SLC13A3: variants seen among roughly 807,000 people sequenced by gnomAD.
SLC13A3 encodes Na(+)/dicarboxylate cotransporter 3.
A neutral mutation model predicts 59.0 loss-of-function variants in SLC13A3; 40 were observed. The ratio of observed to expected loss-of-function variants is 0.68; its 90% CI spans 0.53 to 0.88. The LOEUF (loss-of-function observed/expected upper bound fraction) is 0.88, where lower values mean the gene tolerates loss of function less well. SLC13A3 is among the 40% of genes least tolerant of loss of function. The pLI is 0.00. For missense variants in SLC13A3, 699 were observed against 783.2 expected (o/e 0.89, Z 1.28); for synonymous variants, 317 against 330.3 (o/e 0.96, Z 0.44).
At chr20:46,569,032 G>A (rs186968673) in intron 10 of SLC13A3, among the ~76,000 whole-genome samples, 64 of 152,310 alleles carry the variant, frequency 4.2e-4, no homozygotes, top group African/African-American at 1.4e-3. Flanking sequence ...CACCCAGGCT[G>A]GAGTGCAGTG....
chr20:46,588,112 G>A lies in SLC13A3; in HGVS notation c.1068C>T (p.Leu356=), dbSNP rs1198687577. The change falls in exon 8 of 13, where the codon CTC becomes CTT. Residue 356 remains leucine (L), a synonymous_variant. Coordinates refer to ENST00000279027, the MANE Select transcript of SLC13A3 (RefSeq NM_022829.6). ...GGATGAACTTCGGGTCCCGGGTGAA[G>A]AGGAGGATGGCAAACATGCAGAAAA... ...FILFCMFAIL[L]FTRDPKFIPG... is the part of the protein sequence containing the mutation. 6.2e-7 allele frequency: 1 copy of A among 1,613,182 alleles called. No homozygotes were observed. The highest frequency in any genetic ancestry group is 8.5e-7 in the Non-Finnish European group (1 of 1,179,560).
Position 46,588,151 on chromosome 20 carries a change from C to T in SLC13A3, c.1029G>A (p.Gln343=), listed in dbSNP as rs1221681638. 6.2e-6 allele frequency: 10 copies of T among 1,610,426 alleles called. No homozygotes were observed. Among genetic ancestry groups the T allele is most frequent in the Admixed American group, 1.7e-5 (1 of 59,682 alleles). The change falls in exon 8 of 13, where the codon CAG becomes CAA. Residue 343 remains glutamine, a synonymous_variant. Coordinates refer to ENST00000279027, the MANE Select transcript of SLC13A3 (RefSeq NM_022829.6). Reference sequence around the variant, plus strand: ...ACATGCAGAAAAGGATGAAAACAGCCTGTTCGGCAAACCTGTGGCACAGAC... The same window carrying T: ...ACATGCAGAAAAGGATGAAAACAGCTTGTTCGGCAAACCTGTGGCACAGAC... ...QNLGPIKFAE[Q]AVFILFCMFA...
intron 1 of SLC13A3, among the ~76,000 whole-genome samples, chr20:46,626,846 C>T: frequency 6.6e-6 from 1 of 152,186 alleles, no homozygotes; most frequent in East Asian, 1.9e-4. Flanking sequence ...TTTCCCCCGT[C>T]CAGGTCTTTG....
chr20:46,582,251 C>G (rs2062146002), intron 9 of SLC13A3, among the ~76,000 whole-genome samples: 3 of 152,162 alleles, frequency 2.0e-5, no homozygotes, highest in Non-Finnish European at 4.4e-5. Context: ...TTCCAAGTAG[C>G]TGGGACTACC....
intron 3 of SLC13A3, among the ~76,000 whole-genome samples, chr20:46,600,429 AGG>A (rs879798529): frequency 2.1e-4 from 31 of 150,628 alleles, no homozygotes; most frequent in Admixed American, 1.1e-3. Context: ...AAGGAAAGGA[AGG>A]AAGGAAGGAA....
rs12106128 is a variant in SLC13A3 at position 46,602,689 on chromosome 20, G to C, written c.542-2652C>G. Among the ~76,000 whole-genome samples the C allele has an allele frequency of 2.5e-3, 375 of 152,262 alleles. 2 individuals are homozygous for C. Among genetic ancestry groups the C allele is most frequent in the African/African-American group, 8.7e-3 (360 of 41,558 alleles). ...GGCAAAGTACTACTGGCGTCTATTA[G>C]TTAGAGACCAGAAATGCTGCTAAAC... is the stretch of plus-strand genomic sequence containing the variant. On this transcript the variant is annotated intron_variant, in intron 3 of 12. Coordinates refer to ENST00000279027, the MANE Select transcript of SLC13A3 (RefSeq NM_022829.6).
At position 46,563,402 on chromosome 20, in the gene SLC13A3, G is replaced by A; in HGVS notation, c.1632+12C>T. On this transcript the variant is annotated intron_variant, in intron 12 of 12. Coordinates refer to ENST00000279027, the MANE Select transcript of SLC13A3 (RefSeq NM_022829.6). ...CATCCCGGGGCCTCTGCTGGGAAAT[G>A]CCCAGACTCACCATGTCTTTGACCA... 1 of 1,611,834 alleles carries A rather than the reference G, an allele frequency of 6.2e-7. No individual in the cohort carries two copies. Among genetic ancestry groups the A allele is most frequent in the Non-Finnish European group, 8.5e-7 (1 of 1,179,112 alleles).
intron 1 of SLC13A3, among the ~76,000 whole-genome samples, chr20:46,636,337 G>A (rs555977983): frequency 6.6e-6 from 1 of 152,318 alleles, no homozygotes; most frequent in East Asian, 1.9e-4. Context: ...CCGGTTCACT[G>A]TGACTGTCTG....
rs976138076 is a variant in SLC13A3, at chr20:46,585,606, G to A, written c.1122-1937C>T. 9.1e-5 allele frequency: 109 copies of A among 1,198,260 alleles called. 1 individual carries two copies. Among genetic ancestry groups the A allele is most frequent in the Non-Finnish European group, 1.0e-4 (96 of 938,596 alleles). The allele number at this position is 1,198,260 out of a possible 1,614,324, so 74.2% of individuals were successfully genotyped here. On this transcript the variant is annotated intron_variant, in intron 8 of 12. Coordinates refer to ENST00000279027, the MANE Select transcript of SLC13A3 (RefSeq NM_022829.6). Reference sequence around the variant, plus strand: ...CAAATGTATGCAGTCCGATAACAGCGTGATCACAATGTAGAACAGTTCTCA... The same window carrying A: ...CAAATGTATGCAGTCCGATAACAGCATGATCACAATGTAGAACAGTTCTCA...
At chr20:46,621,266 A>G (rs1600572755) in intron 1 of SLC13A3, among the ~76,000 whole-genome samples, 1 of 139,030 alleles carries the variant, frequency 7.2e-6, no homozygotes, top group East Asian at 2.4e-4. Context: ...GTTTTGTGAG[A>G]GTTTTAATGG....
chr20:46,681,962 G>T (rs750309743), intron 1 of SLC13A3: 4 of 152,144 alleles, frequency 2.6e-5, no homozygotes, highest in Non-Finnish European at 5.9e-5. Context: ...CCTCTTAAAG[G>T]CCCCATCTTT....
intron 1 of SLC13A3, among the ~76,000 whole-genome samples, chr20:46,659,400 T>C (rs955951308): frequency 6.6e-6 from 1 of 152,140 alleles, no homozygotes; most frequent in Non-Finnish European, 1.5e-5. Context: ...TGATATATTA[T>C]TTTAGGAACA....
At chr20:46,630,724 GT>G (rs1351945258) in intron 1 of SLC13A3, among the ~76,000 whole-genome samples, 4 of 152,150 alleles carry the variant, frequency 2.6e-5, no homozygotes, top group Admixed American at 2.6e-4. Flanking sequence ...AGAAAGTGCT[GT>G]TTTCTTTTGC....
At chr20:46,660,121 TA>T (rs2063020424) in intron 1 of SLC13A3, among the ~76,000 whole-genome samples, 1 of 152,226 alleles carries the variant, frequency 6.6e-6, no homozygotes, top group African/African-American at 2.4e-5. Context: ...AAGACATGTA[TA>T]AATTATATAA....
At chr20:46,627,769 C>T (rs573282323) in intron 1 of SLC13A3, among the ~76,000 whole-genome samples, 1 of 152,154 alleles carries the variant, frequency 6.6e-6, no homozygotes, top group East Asian at 1.9e-4. Flanking sequence ...CCCACACATA[C>T]GCAATACTGA....
intron 3 of SLC13A3, among the ~76,000 whole-genome samples, chr20:46,602,094 G>A (rs2062385640): frequency 6.6e-6 from 1 of 152,148 alleles, no homozygotes; most frequent in Admixed American, 6.5e-5. Flanking sequence ...AGCTACTCAG[G>A]AGGCTAAGGC....
intron 1 of SLC13A3, among the ~76,000 whole-genome samples, chr20:46,662,047 AT>A (rs2063033852): frequency 1.3e-5 from 2 of 152,262 alleles, no homozygotes; most frequent in African/African-American, 4.8e-5. Flanking sequence ...CTCTCATGTT[AT>A]TGAAAATTTA....
chr20:46,683,813 T>C (rs1197893637), intron 1 of SLC13A3, among the ~76,000 whole-genome samples: 1 of 152,210 alleles, frequency 6.6e-6, no homozygotes. Context: ...TGCCAGGTCC[T>C]GTGCCAAGCA....
chr20:46,574,646 G>A (rs1481388197), intron 10 of SLC13A3, among the ~76,000 whole-genome samples: 2 of 152,102 alleles, frequency 1.3e-5, no homozygotes, highest in Admixed American at 6.5e-5. Context: ...GAGTGGTTAA[G>A]AGCATAGACT....
Sources: gnomAD v4.1 joint callset for allele counts (sites outside exome capture counted in the v4.1 genomes callset) on GRCh38, gnomAD v4.1.1 for gene constraint, MANE v1.5 for transcripts, NCBI Gene and HGNC (gene_info 2026-07-23, HGNC 2026-07-21) for gene names.